The following TBXAS1 variants were observed in gnomAD, a reference collection of about 807,000 sequenced individuals.
TBXAS1 encodes thromboxane A synthase 1.
Under a neutral mutation model 60.7 loss-of-function variants are expected in TBXAS1, and 48 were observed. That is an observed-to-expected ratio of 0.79 (90% CI 0.63 to 1.01). TBXAS1 has a LOEUF of 1.01. Among genes scored for constraint, TBXAS1 ranks in the 50% least tolerant of loss-of-function variants. TBXAS1 has a pLI of 0.00. For synonymous variants in TBXAS1, 287 were observed against 269.7 expected, an observed-to-expected ratio of 1.06 and a Z score of -0.63; for missense variants, 685 against 686.3, an observed-to-expected ratio of 1.00 and a Z score of 0.02.
At chr7:139,948,342 C>T (rs1808914906) in intron 5 of TBXAS1, among the ~76,000 whole-genome samples, 1 of 152,078 alleles carries the variant, frequency 6.6e-6, no homozygotes, top group Non-Finnish European at 1.5e-5. Flanking sequence ...TCTGGTGTCT[C>T]TTCTTATAAG....
At chr7:139,869,928 G>T (rs988289797) in intron 1 of TBXAS1, among the ~76,000 whole-genome samples, 6 of 152,148 alleles carry the variant, frequency 3.9e-5, no homozygotes, top group African/African-American at 7.2e-5. Context: ...GAAGTGGTAG[G>T]GAGACAAATG....
At chr7:139,953,481 G>C in intron 6 of TBXAS1, 25 bp downstream of exon 6, 1 of 1,608,130 alleles carries the variant, frequency 6.2e-7, no homozygotes, top group Non-Finnish European at 8.5e-7. Flanking sequence ...TTACAGATGA[G>C]AAATCGAGTT....
chr7:139,784,208 T>C (rs1797105428), intron 3 of TBXAS1, among the ~76,000 whole-genome samples: 1 of 150,512 alleles, frequency 6.6e-6, no homozygotes, highest in African/African-American at 2.5e-5. Context: ...CTTTCGTTTG[T>C]TCTTTCTTTC....
chr7:139,835,995 G>T (rs1325806702), intron 1 of TBXAS1, among the ~76,000 whole-genome samples: 1 of 151,000 alleles, frequency 6.6e-6, no homozygotes, highest in Non-Finnish European at 1.5e-5. Context: ...ACCAAGCAGA[G>T]AATCAAATCA....
intron 5 of TBXAS1, chr7:139,952,676 TCTAC>T: frequency 2.0e-6 from 3 of 1,529,126 alleles, no homozygotes; most frequent in Non-Finnish European, 2.6e-6. Context: ...ATTATGCCAC[TCTAC>T]CTTTCTGTGT....
intron 5 of TBXAS1, among the ~76,000 whole-genome samples, chr7:139,946,162 G>A (rs946935512): frequency 3.9e-5 from 6 of 152,090 alleles, no homozygotes; most frequent in East Asian, 1.9e-4. Context: ...GGGAGACCCC[G>A]TTTCTACAAA....
chr7:140,014,401 G>A (rs1301908149), intron 10 of TBXAS1, among the ~76,000 whole-genome samples: 1 of 152,172 alleles, frequency 6.6e-6, no homozygotes, highest in Non-Finnish European at 1.5e-5. Flanking sequence ...ATTGGAACCT[G>A]GGGTTCAGGC....
intron 4 of TBXAS1, among the ~76,000 whole-genome samples, chr7:139,815,350 A>T (rs1798119214): frequency 6.6e-6 from 1 of 152,192 alleles, no homozygotes; most frequent in Non-Finnish European, 1.5e-5. Flanking sequence ...CCAAGTTTCT[A>T]GGCAGCCTGA....
chr7:140,018,873 GC>G (rs1250416433), intron 12 of TBXAS1, among the ~76,000 whole-genome samples: 1 of 152,142 alleles, frequency 6.6e-6, no homozygotes, highest in African/African-American at 2.4e-5. Context: ...TGGATAAGCA[GC>G]CAGAGATGAG....
At chr7:140,016,065 AT>A (rs1417786717) in intron 11 of TBXAS1, among the ~76,000 whole-genome samples, 1 of 152,224 alleles carries the variant, frequency 6.6e-6, no homozygotes, top group South Asian at 2.1e-4. Context: ...GTGGTGGCTC[AT>A]GCCTGTAATC....
intron 1 of TBXAS1, among the ~76,000 whole-genome samples, chr7:139,842,554 C>T (rs1219772368): frequency 6.6e-6 from 1 of 152,092 alleles, no homozygotes; most frequent in Non-Finnish European, 1.5e-5. Context: ...ATGAGACTGG[C>T]GAGAAAGGGA....
chr7:139,949,109 TAG>T (rs1469949128), intron 5 of TBXAS1, among the ~76,000 whole-genome samples: 1 of 152,202 alleles, frequency 6.6e-6, no homozygotes, highest in African/African-American at 2.4e-5. Flanking sequence ...CAAAAGCACG[TAG>T]AAGACCCGAT....
chr7:140,000,697 TG>T (rs1813607638), intron 9 of TBXAS1, among the ~76,000 whole-genome samples: 1 of 152,228 alleles, frequency 6.6e-6, no homozygotes, highest in Admixed American at 6.5e-5. Flanking sequence ...TTTATTTCCA[TG>T]TTTCCCAATA....
rs562072346 is a variant in TBXAS1, at chr7:139,916,464, C to T, written c.333+5143C>T. Among the ~76,000 whole-genome samples, 4 of 152,184 alleles carry T rather than the reference C, an allele frequency of 2.6e-5. No homozygotes were observed. The highest frequency in any genetic ancestry group is 4.8e-5 in the African/African-American group (2 of 41,436). On this transcript the variant is annotated intron_variant, in intron 4 of 12. Transcript: ENST00000448866. The surrounding 1 kb of genome is among the most constrained non-coding windows in gnomAD (Gnocchi z 4.2). ...ACCTCTCCAGGCACAGGTCGAGCCA[C>T]ACCACTGACACACAAGAGTCACGTC...
chr7:139,973,570 TTA>T (rs1359209526), intron 9 of TBXAS1, among the ~76,000 whole-genome samples: 12 of 151,742 alleles, frequency 7.9e-5, no homozygotes, highest in African/African-American at 2.7e-4. Flanking sequence ...TTTTTTTTTT[TTA>T]GGTTGTATTT....
At chr7:139,882,078 G>A (rs553155892) in intron 3 of TBXAS1, among the ~76,000 whole-genome samples, 2 of 152,344 alleles carry the variant, frequency 1.3e-5, no homozygotes, top group African/African-American at 2.4e-5. Context: ...CACTTTTCGT[G>A]TAATTGCTCT....
chr7:139,876,091 G>A (rs935782681), intron 3 of TBXAS1, among the ~76,000 whole-genome samples: 9 of 152,302 alleles, frequency 5.9e-5, no homozygotes, highest in Admixed American at 2.0e-4. Context: ...CAACATGACC[G>A]TGTAATTTAT....
chr7:139,783,141 A>C (rs1393946649), intron 3 of TBXAS1, among the ~76,000 whole-genome samples: 1 of 152,190 alleles, frequency 6.6e-6, no homozygotes, highest in Non-Finnish European at 1.5e-5. Flanking sequence ...CTTTAAGGGC[A>C]AAGGGGAGAG....
chr7:140,001,120 G>A (rs150951251), intron 9 of TBXAS1, among the ~76,000 whole-genome samples: 2,339 of 152,308 alleles, frequency 0.015, 24 homozygotes, highest in Non-Finnish European at 0.02. Flanking sequence ...GGGAGGCGCT[G>A]CAGGGGGGGC....
Sources: gnomAD v4.1 joint callset for allele counts (sites outside exome capture counted in the v4.1 genomes callset) on GRCh38, gnomAD v4.1.1 for gene constraint, Gnocchi (gnomAD v3.1) non-coding constraint, MANE v1.5 for transcripts, NCBI Gene and HGNC (gene_info 2026-07-23, HGNC 2026-07-21) for gene names.